Variants in DAXX observed in about 807,000 individuals in gnomAD.
The protein encoded by DAXX is death domain associated protein, also known as death domain-associated protein 6.
Under a neutral mutation model 61.9 loss-of-function variants are expected in DAXX, and 24 were observed. The observed-to-expected ratio is 0.39, with a 90% CI of 0.28 to 0.55. The LOEUF (loss-of-function observed/expected upper bound fraction) is 0.55, where lower values mean the gene tolerates loss of function less well. DAXX is among the 20% of genes least tolerant of loss of function. The pLI is 0.69. For synonymous variants in DAXX, 357 were observed against 369.5 expected (o/e 0.97, Z 0.39); for missense variants, 819 against 935.3 (o/e 0.88, Z 1.62).
At chr6:33,322,154 TG>T (rs111442780) in intron 1 of DAXX, 177 bp from the exon 2 acceptor site, 3,929 of 322,730 alleles carry the variant, frequency 0.012, 50 homozygotes, top group East Asian at 0.031. Context: ...TCAAGTGGTG[TG>T]GGGGGGGGGC....
chr6:33,318,924 T>G, intron 7 of DAXX, 73 bp downstream of exon 7: 10 of 1,413,086 alleles, frequency 7.1e-6, no homozygotes, highest in Non-Finnish European at 9.9e-6. Context: ...ACGTGGAATA[T>G]TCAGACAGAG....
rs1242249516 is a variant in DAXX at position 33,321,518 on chromosome 6, G to A, written c.257C>T (p.Pro86Leu). The A allele has an allele frequency of 1.9e-6, 3 of 1,614,090 alleles. No individual in the cohort carries two copies. Among genetic ancestry groups the A allele is most frequent in the Non-Finnish European group, 2.5e-6 (3 of 1,180,022 alleles). Reference sequence around the variant, plus strand: ...ACGTTGCTGCCGGTTATAGAGGAATGGGACCACCTCAGGGTGGTCTGCTGT... The same window carrying A: ...ACGTTGCTGCCGGTTATAGAGGAATAGGACCACCTCAGGGTGGTCTGCTGT... ...MQTADHPEVV[P>L]FLYNRQQRAH... The change falls in exon 3 of 8, where the codon CCA becomes CTA. Residue 86 changes from proline (P) to leucine (L), a missense_variant. Physicochemically the swap from Pro to Leu is moderately conservative, Grantham distance 98. Transcript: ENST00000374542. The surrounding 1 kb of genome is among the most constrained non-coding windows in gnomAD (Gnocchi z 7.2).
At chr6:33,322,385 C>T (rs756334214) in intron 1 of DAXX, among the ~76,000 whole-genome samples, 2 of 152,108 alleles carry the variant, frequency 1.3e-5, no homozygotes, top group Non-Finnish European at 2.9e-5. Context: ...AAGTCAACCC[C>T]ACACCCACCC....
chr6:33,319,973 C>G (rs1562721899), intron 5 of DAXX, 38 bp downstream of exon 5: 1 of 1,612,488 alleles, frequency 6.2e-7, no homozygotes. Flanking sequence ...CCTAACAAAA[C>G]AGAAATGACA....
Position 33,321,294 on chromosome 6 carries a change from G to T in DAXX, c.481C>A (p.Pro161Thr). 1 of 1,612,822 alleles carries T rather than the reference G, an allele frequency of 6.2e-7. No individual in the cohort carries two copies. Among genetic ancestry groups the T allele is most frequent in the East Asian group, 2.2e-5 (1 of 44,876 alleles). The change falls in exon 3 of 8, where the codon CCC becomes ACC. Residue 161 changes from proline (P) to threonine (T), a missense_variant. Physicochemically the swap from Pro to Thr is conservative, Grantham distance 38 (BLOSUM62 -1). Coordinates refer to ENST00000374542, the MANE Select transcript of DAXX (RefSeq NM_001141969.2). This position sits in a 1 kb window ranked among gnomAD's most constrained non-coding sequence, Gnocchi z 7.2. ...GTGGGGTCCAAGGAGAGGTGTGTGGGAGGGTTATTCCCAGAGGGCTCATTG... is the reference window on the plus strand; with the variant it reads ...GTGGGGTCCAAGGAGAGGTGTGTGGTAGGGTTATTCCCAGAGGGCTCATTG... ...TSNEPSGNNP[P>T]THLSLDPTNA...
rs1562718221 is a variant in DAXX, at chr6:33,319,102, C to T, written c.2058G>A (p.Val686=). Residue 686 remains valine, a synonymous_variant, in exon 7 of 8, where the codon GTG becomes GTA. Coordinates refer to ENST00000374542, the MANE Select transcript of DAXX (RefSeq NM_001141969.2). ...TCACCAGGCCATGGCTGGGAGAGTC[C>T]ACCCTCGTGGAGGAATCAGCAACTG... The part of the protein sequence containing the change: ...LAPVADSSTR[V]DSPSHGLVTS... 7 of 1,614,160 alleles carry T rather than the reference C, an allele frequency of 4.3e-6. No individual in the cohort carries two copies. Among genetic ancestry groups the T allele is most frequent in the Non-Finnish European group, 5.9e-6 (7 of 1,180,040 alleles).
chr6:33,321,448 G>A lies in DAXX; in HGVS notation c.327C>T (p.Leu109=), dbSNP rs2150997852. 1.2e-6 allele frequency: 2 copies of A among 1,614,068 alleles called. No individual in the cohort carries two copies. The highest frequency in any genetic ancestry group is 1.7e-6 in the Non-Finnish European group (2 of 1,179,942). Residue 109 remains leucine (L), a synonymous_variant, in exon 3 of 8, where the codon CTC becomes CTT. Transcript: ENST00000374542. The surrounding 1 kb of genome is among the most constrained non-coding windows in gnomAD (Gnocchi z 7.2). The part of the protein sequence containing the change: ...FLASAEFCNI[L]SRVLSRARSR... ...TCCGGGCCCGAGACAGGACCCTAGAGAGGATGTTGCAGAACTCCGCCGAGG... is the reference window on the plus strand; with the variant it reads ...TCCGGGCCCGAGACAGGACCCTAGAAAGGATGTTGCAGAACTCCGCCGAGG...
chr6:33,322,157 G>T (rs867373541), intron 1 of DAXX, 180 bp from the exon 2 acceptor site: 4 of 463,054 alleles, frequency 8.6e-6, no homozygotes, highest in East Asian at 6.8e-5. Context: ...AGTGGTGTGG[G>T]GGGGGGGCAA....
rs767099142 is a variant in DAXX at position 33,320,488 on chromosome 6, C to T, written c.1143G>A (p.Met381Ile). The T allele has an allele frequency of 4.3e-6, 7 of 1,613,566 alleles. No homozygotes were observed. The African/African-American group carries it at 8.0e-5, about 18-fold the overall frequency. Residue 381 changes from methionine (M) to isoleucine (I), a missense_variant, in exon 4 of 8, where the codon ATG becomes ATA. Met to Ile is a conservative substitution (Grantham distance 10, BLOSUM62 1). Coordinates refer to ENST00000374542, the MANE Select transcript of DAXX (RefSeq NM_001141969.2). This position sits in a 1 kb window ranked among gnomAD's most constrained non-coding sequence, Gnocchi z 7.1. ...CGCCCTCCTCACTTTTGTCTTGCAA[C>T]ATTGCATATTTGGAGATGACCTCAT... ...RLDEVISKYA[M>I]LQDKSEEGER...
At position 33,319,227 on chromosome 6, in the gene DAXX, C is replaced by T. The variant is rs774763897; in HGVS notation, c.1941-8G>A. On this transcript the variant is annotated splice_polypyrimidine_tract_variant and splice_region_variant and intron_variant, in intron 6 of 7. Coordinates refer to ENST00000374542, the MANE Select transcript of DAXX (RefSeq NM_001141969.2). ...CTTTGCCTTTCCACATAGCTAGAAA[C>T]AGAAACATAAATATGTGGAGGGGTA... is the stretch of plus-strand genomic sequence containing the variant. 1.9e-6 allele frequency: 3 copies of T among 1,589,736 alleles called. No homozygotes were observed. In the East Asian group the frequency reaches 6.7e-5, roughly 36 times the overall value.
At position 33,320,892 on chromosome 6, in the gene DAXX, T is replaced by C. The variant is rs544705219; in HGVS notation, c.883A>G (p.Lys295Glu). ...DYGDVLRAVEKAAARHSLGLP... is the reference protein window; with the variant it reads ...DYGDVLRAVEEAAARHSLGLP... ...CCAAGGCTGTGTCGGGCAGCTGCCT[T>C]CTCTACAGCCCGAAGCACATCCCCA... The change falls in exon 3 of 8, where the codon AAG (lysine) becomes GAG (glutamate). Residue 295 changes from lysine (K) to glutamate (E), a missense_variant. Physicochemically the swap from Lys to Glu is moderately conservative, Grantham distance 56 (BLOSUM62 1). Coordinates refer to ENST00000374542, the MANE Select transcript of DAXX (RefSeq NM_001141969.2). The surrounding 1 kb of genome is among the most constrained non-coding windows in gnomAD (Gnocchi z 7.1). 1.2e-6 allele frequency: 2 copies of C among 1,614,084 alleles called. No homozygotes were observed. The highest frequency in any genetic ancestry group is 2.7e-5 in the African/African-American group (2 of 75,010).
Position 33,319,686 on chromosome 6 carries a change from G to C in DAXX, c.1634C>G (p.Ala545Gly), listed in dbSNP as rs771235091. The change falls in exon 6 of 8, where the codon GCT becomes GGT. Residue 545 changes from alanine (A) to glycine (G), a missense_variant. By Grantham distance (60) the Ala-to-Gly change is moderately conservative. Coordinates refer to ENST00000374542, the MANE Select transcript of DAXX (RefSeq NM_001141969.2). ...CTCAGGCTGTTCTCCATTGCTTTCA[G>C]CATCTATGCTGGAGGGGGCCAGGGG... ...EEPLAPSSIDAESNGEQPEEL... is the reference protein window; with the variant it reads ...EEPLAPSSIDGESNGEQPEEL... The C allele has an allele frequency of 6.2e-7, 1 of 1,613,514 alleles. No individual in the cohort carries two copies. The highest frequency in any genetic ancestry group is 1.1e-5 in the South Asian group (1 of 91,026).
chr6:33,318,632 A>C lies in DAXX; in HGVS notation c.*111T>G. ...TAAGCTTTTTTTTTTTTTTAAAGAA[A>C]CACCACCAAAAGGGGATTAGCTTAG... On this transcript the variant is annotated 3_prime_UTR_variant, in exon 8 of 8. Coordinates refer to ENST00000374542, the MANE Select transcript of DAXX (RefSeq NM_001141969.2). The C allele has an allele frequency of 2.2e-6, 1 of 464,814 alleles. No individual in the cohort carries two copies. Among genetic ancestry groups the C allele is most frequent in the Non-Finnish European group, 3.9e-6 (1 of 255,016 alleles). The allele number at this position is 464,814 out of a possible 1,614,324, so 28.8% of individuals were successfully genotyped here. A position where few individuals can be genotyped will look rare whatever the true frequency, so the allele number is the denominator to read the frequency against.
Position 33,319,830 on chromosome 6 carries a change from A to G in DAXX, c.1490T>C (p.Met497Thr), listed in dbSNP as rs781720244. The change falls in exon 6 of 8, where the codon ATG becomes ACG. Residue 497 changes from methionine to threonine, a missense_variant. Transcript: ENST00000374542. ...TTCATTGGAGATCTGTAGTGAGGAC[A>G]TGGGGCTCTTGTCTCCATCTTTACC... Reference protein sequence around the residue: ...AAGKDGDKSPMSSLQISNEKN... With the variant: ...AAGKDGDKSPTSSLQISNEKN... 33 of 1,611,762 alleles carry G rather than the reference A, an allele frequency of 2.0e-5. No individual in the cohort carries two copies. In the East Asian group the frequency reaches 5.1e-4, roughly 25 times the overall value.
rs778259621 is a variant in DAXX, at chr6:33,322,916, G to C, written c.-107C>G. ...GCCGCAATTCTCAGAACCTCGCATG[G>C]TTCCCTCCGCCTTCCTTCCCACTCC... is the stretch of plus-strand genomic sequence containing the variant. On this transcript the variant is annotated 5_prime_UTR_variant, in exon 1 of 8. Coordinates refer to ENST00000374542, the MANE Select transcript of DAXX (RefSeq NM_001141969.2). The C allele has an allele frequency of 7.0e-7, 1 of 1,435,712 alleles. No homozygotes were observed. Among genetic ancestry groups the C allele is most frequent in the Non-Finnish European group, 9.4e-7 (1 of 1,060,378 alleles). 88.9% of individuals were successfully genotyped at this position (1,435,712 alleles called of 1,614,324 possible).
At chr6:33,322,705 T>TCCCCCCCCC in intron 1 of DAXX, 157 bp downstream of exon 1, 1 of 350,362 alleles carries the variant, frequency 2.9e-6, no homozygotes, top group South Asian at 2.3e-5. Context: ...TCCCGCCAAA[T>TCCCCCCCCC]CCCCCTCCCC....
Position 33,320,391 on chromosome 6 carries a change from C to T in DAXX, c.1240G>A (p.Asp414Asn), listed in dbSNP as rs763522120. 5.6e-6 allele frequency: 9 copies of T among 1,611,062 alleles called. 1 individual carries two copies. The highest frequency in any genetic ancestry group is 7.6e-6 in the Non-Finnish European group (9 of 1,177,176). Residue 414 changes from aspartate (D) to asparagine (N), a missense_variant, in exon 4 of 8, where the codon GAT (aspartate) becomes AAT (asparagine). Physicochemically the swap from Asp to Asn is conservative, Grantham distance 23. Transcript: ENST00000374542. The surrounding 1 kb of genome is among the most constrained non-coding windows in gnomAD (Gnocchi z 7.1). The part of the protein sequence containing the change: ...HSADTPEASL[D>N]SGEGPSGMAS... ...TACCCCATCCACACCTCACCAGAATCCAAGGAGGCTTCGGGGGTGTCTGCA... is the reference window on the plus strand; with the variant it reads ...TACCCCATCCACACCTCACCAGAATTCAAGGAGGCTTCGGGGGTGTCTGCA...
chr6:33,322,854 G>T lies in DAXX; in HGVS notation c.-53+8C>A. On this transcript the variant is annotated splice_region_variant and intron_variant, in intron 1 of 7. Transcript: ENST00000374542. ...CCGCCTCTGATCCCCGCACCGTCCGGCCCCCACCTCAGAAACCGTCTCTCG... is the reference window on the plus strand; with the variant it reads ...CCGCCTCTGATCCCCGCACCGTCCGTCCCCCACCTCAGAAACCGTCTCTCG... 2.2e-6 allele frequency: 3 copies of T among 1,368,596 alleles called. No individual in the cohort carries two copies. Among genetic ancestry groups the T allele is most frequent in the Non-Finnish European group, 2.0e-6 (2 of 1,001,562 alleles). The allele number at this position is 1,368,596 out of a possible 1,614,324, so 84.8% of individuals were successfully genotyped here.
chr6:33,322,747 C>T (rs1396056346), intron 1 of DAXX, 115 bp downstream of exon 1: 2 of 392,572 alleles, frequency 5.1e-6, no homozygotes, highest in Non-Finnish European at 4.9e-6. Context: ...CACTCCCTTT[C>T]AGGGACAGGA....
Sources: gnomAD v4.1 joint callset for allele counts (sites outside exome capture counted in the v4.1 genomes callset) on GRCh38, gnomAD v4.1.1 for gene constraint, Gnocchi (gnomAD v3.1) non-coding constraint, MANE v1.5 for transcripts, NCBI Gene and HGNC (gene_info 2026-07-23, HGNC 2026-07-21) for gene names.